Variants in THRB observed in about 807,000 individuals in gnomAD.
THRB encodes thyroid hormone receptor beta.
In THRB, 12 loss-of-function variants were observed where a neutral mutation model predicts 47.8. That is an observed-to-expected ratio of 0.25 (90% CI 0.16 to 0.41). The LOEUF (loss-of-function observed/expected upper bound fraction) is 0.41. Among genes scored for constraint, THRB ranks in the 10% least tolerant of loss-of-function variants. The pLI is 1.00. For missense variants in THRB, 348 were observed against 589.2 expected (o/e 0.59, Z 4.24); for synonymous variants, 218 against 212.2 (o/e 1.03, Z -0.24).
At chr3:24,274,577 T>C (rs1053098873) in intron 3 of THRB, among the ~76,000 whole-genome samples, 3 of 152,196 alleles carry the variant, frequency 2.0e-5, no homozygotes, top group African/African-American at 7.2e-5. Context: ...CCTTTCCTTC[T>C]TTCCCTTCTC....
intron 1 of THRB, among the ~76,000 whole-genome samples, chr3:24,381,084 C>A (rs2065674431): frequency 6.8e-6 from 1 of 146,092 alleles, no homozygotes; most frequent in Non-Finnish European, 1.5e-5. Flanking sequence ...CACTGCATTC[C>A]AGCCTGGTGA....
chr3:24,256,407 G>A (rs1487104539), intron 3 of THRB, among the ~76,000 whole-genome samples: 1 of 152,106 alleles, frequency 6.6e-6, no homozygotes. Context: ...ACTTTCAGAA[G>A]TTTGGCTGGA....
At chr3:24,379,626 TG>T (rs11289002) in intron 1 of THRB, among the ~76,000 whole-genome samples, 73,270 of 151,734 alleles carry the variant, frequency 0.48, 18,823 homozygotes, top group African/African-American at 0.66. Context: ...TTGAGAAAGG[TG>T]ACTCGGCAAG....
chr3:24,364,113 T>C (rs1174036795), intron 1 of THRB, among the ~76,000 whole-genome samples: 1 of 152,150 alleles, frequency 6.6e-6, no homozygotes, highest in Non-Finnish European at 1.5e-5. Context: ...CTTGCCACTC[T>C]TAATATAAAT....
At chr3:24,375,332 T>TTTTTATATTTAGACATATAATATTAATA (rs1560049747) in intron 1 of THRB, among the ~76,000 whole-genome samples, 6 of 144,470 alleles carry the variant, frequency 4.2e-5, no homozygotes, top group African/African-American at 1.5e-4. Flanking sequence ...TAGACATATA[T>TTTTTATATTTAGACATATAATATTAATA]TATTATATTT....
At chr3:24,433,317 C>T (rs191914242) in intron 1 of THRB, among the ~76,000 whole-genome samples, 2 of 152,020 alleles carry the variant, frequency 1.3e-5, no homozygotes. Context: ...TATCTGGTGG[C>T]CCAGTATGGT....
intron 1 of THRB, among the ~76,000 whole-genome samples, chr3:24,416,537 A>G (rs1233468576): frequency 6.6e-6 from 1 of 151,868 alleles, no homozygotes; most frequent in Non-Finnish European, 1.5e-5. Flanking sequence ...AAAGCGCTCT[A>G]TTTATAAAAG....
intron 3 of THRB, among the ~76,000 whole-genome samples, chr3:24,230,360 T>C (rs2048129299): frequency 6.6e-6 from 1 of 152,194 alleles, no homozygotes; most frequent in East Asian, 1.9e-4. Flanking sequence ...ACATAACAGG[T>C]ACTCAACAAT....
intron 3 of THRB, among the ~76,000 whole-genome samples, chr3:24,279,045 A>G (rs1430008369): frequency 6.6e-6 from 1 of 151,924 alleles, no homozygotes; most frequent in Non-Finnish European, 1.5e-5. Flanking sequence ...GGGCCTCACT[A>G]TATTGCCTAG....
intron 1 of THRB, among the ~76,000 whole-genome samples, chr3:24,361,937 A>C (rs2064103782): frequency 6.6e-6 from 1 of 152,140 alleles, no homozygotes; most frequent in Admixed American, 6.6e-5. Context: ...CTTTCATTTC[A>C]TAAAGCAAGA....
intron 4 of THRB, among the ~76,000 whole-genome samples, chr3:24,213,778 T>TA (rs2149894181): frequency 6.6e-6 from 1 of 152,336 alleles, no homozygotes; most frequent in South Asian, 2.1e-4. Context: ...CTTTAGTGTT[T>TA]AGCTGTGGAA....
chr3:24,242,860 T>G (rs1385310914), intron 3 of THRB, among the ~76,000 whole-genome samples: 1 of 152,122 alleles, frequency 6.6e-6, no homozygotes, highest in Non-Finnish European at 1.5e-5. Flanking sequence ...CCCATCCCAG[T>G]TTGCACACTG....
chr3:24,274,883 GTTTTT>G (rs11292201), intron 3 of THRB, among the ~76,000 whole-genome samples: 29 of 152,044 alleles, frequency 1.9e-4, no homozygotes, highest in African/African-American at 6.5e-4. Flanking sequence ...GAGAGAGACA[GTTTTT>G]TTTATGTTGT....
chr3:24,238,456 A>G (rs2049143738), intron 3 of THRB, among the ~76,000 whole-genome samples: 1 of 152,084 alleles, frequency 6.6e-6, no homozygotes, highest in Non-Finnish European at 1.5e-5. Context: ...AACAAACAAG[A>G]ATGTGAAAAT....
At chr3:24,272,034 T>C (rs1471952025) in intron 3 of THRB, among the ~76,000 whole-genome samples, 1 of 152,170 alleles carries the variant, frequency 6.6e-6, no homozygotes, top group African/African-American at 2.4e-5. Context: ...ATGGATAGGA[T>C]TGCGGACAAT....
intron 1 of THRB, among the ~76,000 whole-genome samples, chr3:24,440,374 T>C (rs1466520282): frequency 1.3e-5 from 2 of 152,138 alleles, no homozygotes; most frequent in Non-Finnish European, 2.9e-5. Flanking sequence ...TGGATCCTCA[T>C]AGCCCACCAT....
intron 1 of THRB, chr3:24,494,133 C>T (rs1036361062): frequency 6.6e-6 from 1 of 152,416 alleles, no homozygotes; most frequent in Non-Finnish European, 1.5e-5. Flanking sequence ...CAGGATAATT[C>T]TCCTTTCCAA....
chr3:24,207,852 C>T (rs903583109), intron 4 of THRB, among the ~76,000 whole-genome samples: 8 of 152,142 alleles, frequency 5.3e-5, no homozygotes, highest in African/African-American at 1.9e-4. Flanking sequence ...CCAGGGCAAT[C>T]AGGCAGGAGA....
intron 2 of THRB, among the ~76,000 whole-genome samples, chr3:24,303,981 G>C (rs1035066743): frequency 2.6e-5 from 4 of 152,024 alleles, no homozygotes; most frequent in Non-Finnish European, 5.9e-5. Flanking sequence ...GATGGCTTTG[G>C]AATGTACTTG....
Sources: allele counts gnomAD v4.1 joint callset (sites outside exome capture counted in the v4.1 genomes callset), GRCh38; gene constraint gnomAD v4.1.1; transcripts MANE v1.5; gene names NCBI Gene and HGNC (gene_info 2026-07-23, HGNC 2026-07-21).